The following ITIH5 variants were observed in gnomAD, a reference collection of about 807,000 sequenced individuals.
ITIH5 encodes inter-alpha-trypsin inhibitor heavy chain 5.
Under a neutral mutation model 77.5 loss-of-function variants are expected in ITIH5, and 65 were observed. The ratio of observed to expected loss-of-function variants is 0.84; its 90% CI spans 0.69 to 1.03. ITIH5 has a LOEUF of 1.03. Among genes scored for constraint, ITIH5 ranks in the 50% least tolerant of loss-of-function variants. The pLI, the probability that ITIH5 is intolerant of heterozygous loss-of-function variation, is 0.00. For missense variants in ITIH5, 1,208 were observed against 1,213.1 expected, an observed-to-expected ratio of 1.00 and a Z score of 0.06; for synonymous variants, 525 against 494.3, an observed-to-expected ratio of 1.06 and a Z score of -0.82.
intron 2 of ITIH5, among the ~76,000 whole-genome samples, chr10:7,648,463 T>C (rs758948767): frequency 6.6e-6 from 1 of 152,246 alleles, no homozygotes; most frequent in Non-Finnish European, 1.5e-5. Context: ...CTCTGAACTG[T>C]AGTCATATTC....
chr10:7,597,619 ACCCCC>A (rs1832932652), intron 7 of ITIH5, among the ~76,000 whole-genome samples: 2 of 139,540 alleles, frequency 1.4e-5, no homozygotes, highest in African/African-American at 5.2e-5. Context: ...CCTTGGAGTC[ACCCCC>A]TCTGTACCCC....
chr10:7,597,523 ACCCATACACAGCATGGTC>A, intron 7 of ITIH5, among the ~76,000 whole-genome samples: 2 of 151,440 alleles, frequency 1.3e-5, no homozygotes, highest in Non-Finnish European at 2.9e-5. Flanking sequence ...CCCCATAGAC[ACCCATACACAGCATGGTC>A]CCAAGTCACC....
chr10:7,619,789 C>T, intron 5 of ITIH5: 1 of 165,368 alleles, frequency 6.0e-6, no homozygotes, highest in African/African-American at 2.4e-5. Flanking sequence ...TCCCACCAGG[C>T]CACTCCTCCG....
At chr10:7,563,581 T>C (rs1441584678) in intron 13 of ITIH5, among the ~76,000 whole-genome samples, 197 bp from the exon 14 acceptor site, 1 of 152,178 alleles carries the variant, frequency 6.6e-6, no homozygotes, top group Non-Finnish European at 1.5e-5. Flanking sequence ...ATTGTGGGAT[T>C]TACCCATGAC....
intron 7 of ITIH5, among the ~76,000 whole-genome samples, chr10:7,605,363 C>G (rs1017188186): frequency 6.6e-6 from 1 of 151,858 alleles, no homozygotes; most frequent in Non-Finnish European, 1.5e-5. Context: ...CCTACTCTCC[C>G]ACTACTAAAA....
In ITIH5 at chr10:7,617,273, C is replaced by A; in HGVS notation, c.662G>T (p.Gly221Val). Reference protein sequence around the residue: ...RGSGRGEDDSGPPPSTVINQN... With the variant: ...RGSGRGEDDSVPPPSTVINQN... The stretch of plus-strand genomic sequence containing the variant: ...GTTAATGACAGTAGATGGGGGAGGC[C>A]CAGAATCATCTGCAAACAAGATAGA... Residue 221 changes from glycine to valine, a missense_variant, in exon 6 of 14, where the codon GGG (glycine) becomes GTG (valine). Gly to Val is a moderately radical substitution (Grantham distance 109). Transcript: ENST00000397146. The A allele has an allele frequency of 6.5e-7, 1 of 1,547,532 alleles. No homozygotes were observed. Among genetic ancestry groups the A allele is most frequent in the Non-Finnish European group, 8.7e-7 (1 of 1,151,756 alleles).
At chr10:7,628,578 GCTGTA>G (rs1238617807) in intron 5 of ITIH5, among the ~76,000 whole-genome samples, 32 of 152,234 alleles carry the variant, frequency 2.1e-4, no homozygotes, top group South Asian at 8.3e-4. Context: ...ATGTGTCCAT[GCTGTA>G]GCATGTATCT....
intron 1 of ITIH5, among the ~76,000 whole-genome samples, chr10:7,662,501 T>A (rs1040433491): frequency 1.3e-5 from 2 of 152,302 alleles, no homozygotes; most frequent in South Asian, 4.2e-4. Context: ...TCTTCCTAAA[T>A]CGACCTACTC....
At chr10:7,568,461 G>A (rs1369469787) in intron 12 of ITIH5, among the ~76,000 whole-genome samples, 1 of 152,160 alleles carries the variant, frequency 6.6e-6, no homozygotes, top group Non-Finnish European at 1.5e-5. Context: ...CCCAGAATAG[G>A]AGGTATTTCC....
intron 5 of ITIH5, among the ~76,000 whole-genome samples, chr10:7,625,616 T>C (rs1833563850): frequency 6.6e-6 from 1 of 151,846 alleles, no homozygotes; most frequent in South Asian, 2.1e-4. Context: ...AACACAAAAA[T>C]TAGCCGGGCC....
At chr10:7,642,508 A>C (rs1051060596) in intron 2 of ITIH5, among the ~76,000 whole-genome samples, 2 of 152,174 alleles carry the variant, frequency 1.3e-5, no homozygotes, top group African/African-American at 2.4e-5. Context: ...CCGGAACATG[A>C]CTAACAAAAA....
chr10:7,644,791 ATATATAT>A (rs1172946886), intron 2 of ITIH5, among the ~76,000 whole-genome samples: 3 of 111,988 alleles, frequency 2.7e-5, no homozygotes, highest in African/African-American at 3.5e-5. Flanking sequence ...CATATATATC[ATATATAT>A]CATATATATC....
In ITIH5 at chr10:7,666,768, G is replaced by A. The variant is rs377705499; in HGVS notation, c.90+35C>T. 9 of 1,568,700 alleles carry A rather than the reference G, an allele frequency of 5.7e-6. No homozygotes were observed. The African/African-American group carries it at 6.8e-5, about 12-fold the overall frequency. On this transcript the variant is annotated intron_variant, in intron 1 of 13. Transcript: ENST00000397146. ...GGCCGGCGGAGGGAAGGGGGCGGCC[G>A]CGCCCGGGACCCGGCTCCCCTCGGC... is the stretch of plus-strand genomic sequence containing the variant.
chr10:7,563,313 G>A lies in ITIH5; in HGVS notation c.2599C>T (p.Leu867=). 6.2e-7 allele frequency: 1 copy of A among 1,614,236 alleles called. No individual in the cohort carries two copies. The highest frequency in any genetic ancestry group is 1.3e-5 in the African/African-American group (1 of 75,070). ...AGPSQNLTHP[L]LLQVGEGPEA... ...GGCCCCTCTCCCACCTGAAGGAGCAGAGGGTGAGTGAGGTTCTGGCTGGGC... is the reference window on the plus strand; with the variant it reads ...GGCCCCTCTCCCACCTGAAGGAGCAAAGGGTGAGTGAGGTTCTGGCTGGGC... The change falls in exon 14 of 14, where the codon CTG becomes TTG. Residue 867 remains leucine, a synonymous_variant. Coordinates refer to ENST00000397146, the MANE Select transcript of ITIH5 (RefSeq NM_030569.7).
intron 5 of ITIH5, among the ~76,000 whole-genome samples, chr10:7,625,273 C>T (rs1197919643): frequency 6.6e-6 from 1 of 152,092 alleles, no homozygotes; most frequent in African/African-American, 2.4e-5. Flanking sequence ...CTGTATAAGT[C>T]TACTTACATG....
Position 7,569,732 on chromosome 10 carries a change from C to G in ITIH5, c.2085G>C (p.Val695=). The change falls in exon 12 of 14, where the codon GTG becomes GTC. Residue 695 remains valine (V), a synonymous_variant. Transcript: ENST00000397146. ...VVDFPLSRLT[V]CFNIDGQPGD... ...CGGGCTGCCCATCAATGTTGAAGCA[C>G]ACGGTGAGTCTGCTCAGGGGGAAAT... 1 of 1,613,230 alleles carries G rather than the reference C, an allele frequency of 6.2e-7. No individual in the cohort carries two copies. The highest frequency in any genetic ancestry group is 1.7e-4 in the Middle Eastern group (1 of 6,056).
At chr10:7,585,470 G>C (rs1052965868) in intron 8 of ITIH5, among the ~76,000 whole-genome samples, 7 of 152,164 alleles carry the variant, frequency 4.6e-5, no homozygotes, top group African/African-American at 1.4e-4. Context: ...CTCTGCTGCA[G>C]CTCTACCAAG....
chr10:7,615,455 T>C (rs1445080653), intron 7 of ITIH5, among the ~76,000 whole-genome samples: 1 of 152,148 alleles, frequency 6.6e-6, no homozygotes, highest in Non-Finnish European at 1.5e-5. Flanking sequence ...CAGTGGTTTG[T>C]AAGAAAAGCA....
At chr10:7,629,367 GCGTGTGTC>G (rs1833670499) in intron 5 of ITIH5, among the ~76,000 whole-genome samples, 2 of 137,516 alleles carry the variant, frequency 1.5e-5, no homozygotes, top group Admixed American at 1.6e-4. Context: ...CCCTGTTGTA[GCGTGTGTC>G]CATGTTGTAG....
Sources: allele counts gnomAD v4.1 joint callset (sites outside exome capture counted in the v4.1 genomes callset), GRCh38; gene constraint gnomAD v4.1.1; transcripts MANE v1.5; gene names NCBI Gene and HGNC (gene_info 2026-07-23, HGNC 2026-07-21).